Variants in FAAH observed in about 807,000 individuals in gnomAD.
The protein encoded by FAAH is fatty acid amide hydrolase.
A neutral mutation model predicts 69.7 loss-of-function variants in FAAH; 63 were observed. The ratio of observed to expected loss-of-function variants is 0.90; its 90% CI spans 0.74 to 1.12. The LOEUF is 1.12. Among genes scored for constraint, FAAH ranks in the 50% most tolerant of loss-of-function variants. FAAH has a pLI of 0.00. For missense variants in FAAH, 680 were observed against 755.0 expected (o/e 0.90, Z 1.16); for synonymous variants, 305 against 324.2 (o/e 0.94, Z 0.64).
Position 46,410,038 on chromosome 1 carries a change from G to T in FAAH, c.1176-360G>T. 1 of 237,136 alleles carries T rather than the reference G, an allele frequency of 4.2e-6. No individual in the cohort carries two copies. The allele number at this position is 237,136 out of a possible 1,614,324, so 14.7% of individuals were successfully genotyped here. A position where few individuals can be genotyped will look rare whatever the true frequency, so the allele number is the denominator to read the frequency against. On this transcript the variant is annotated intron_variant, in intron 9 of 14. Coordinates refer to ENST00000243167, the MANE Select transcript of FAAH (RefSeq NM_001441.3). This position sits in a 1 kb window ranked among gnomAD's most constrained non-coding sequence, Gnocchi z 4.9. ...GATAGCCTCAGAGCCCTGCTTCATG[G>T]GCAGCCCACCCTCGATTTCCCCACC...
At chr1:46,398,137 C>G (rs1480209114) in intron 1 of FAAH, among the ~76,000 whole-genome samples, 2 of 151,922 alleles carry the variant, frequency 1.3e-5, no homozygotes, top group African/African-American at 4.8e-5. Context: ...ATTTCACCAT[C>G]TTGGCCAGGC....
In FAAH at chr1:46,408,640, C is replaced by A. The variant is rs1036537219; in HGVS notation, c.1077+56C>A. 5.0e-6 allele frequency: 8 copies of A among 1,612,472 alleles called. No individual in the cohort carries two copies. The African/African-American group carries it at 1.1e-4, about 22-fold the overall frequency. ...ATCTCCTCCCCTCACGGGAAGCCTT[C>A]CTGGTACCCATGGCTACTCCATCCC... On this transcript the variant is annotated intron_variant, in intron 8 of 14. Coordinates refer to ENST00000243167, the MANE Select transcript of FAAH (RefSeq NM_001441.3).
rs960764482 is a variant in FAAH at position 46,404,132 on chromosome 1, A to C, written c.310-882A>C. On this transcript the variant is annotated intron_variant, in intron 2 of 14. Transcript: ENST00000243167. This position sits in a 1 kb window ranked among gnomAD's most constrained non-coding sequence, Gnocchi z 4.5. ...GGTGTCACTGAGAGGGGGCACGTAC[A>C]TAGTCTCAGCAGATGGTCTTGCTTC... Among the ~76,000 whole-genome samples the C allele has an allele frequency of 6.6e-6, 1 of 152,196 alleles. No homozygotes were observed. Among genetic ancestry groups the C allele is most frequent in the Non-Finnish European group, 1.5e-5 (1 of 68,030 alleles).
intron 1 of FAAH, among the ~76,000 whole-genome samples, chr1:46,398,615 C>T (rs1569806457): frequency 6.6e-6 from 1 of 151,928 alleles, no homozygotes; most frequent in Non-Finnish European, 1.5e-5. Context: ...CTCACTGCAA[C>T]CTCCGCCTCC....
At chr1:46,401,984 C>A in intron 1 of FAAH, 107 bp from the exon 2 acceptor site, 1 of 939,228 alleles carries the variant, frequency 1.1e-6, no homozygotes, top group Non-Finnish European at 1.7e-6. Flanking sequence ...CAAGGGCCTG[C>A]CCAGGCTGGG....
intron 1 of FAAH, among the ~76,000 whole-genome samples, chr1:46,400,367 T>G (rs1166694650): frequency 1.3e-5 from 2 of 151,670 alleles, no homozygotes; most frequent in Non-Finnish European, 2.9e-5. Context: ...GTGGAAAGTG[T>G]GGGTTGGAGG....
rs1415155933 is a variant in FAAH, at chr1:46,413,554, C to T, written c.1719C>T (p.Thr573=). ...RFMREVERLM[T]PEKQSS ...TGCGGGAGGTGGAGCGACTGATGAC[C>T]CCTGAAAAGCAGTCATCCTGATGGC... The change falls in exon 15 of 15, where the codon ACC becomes ACT. Residue 573 remains threonine, a synonymous_variant. Coordinates refer to ENST00000243167, the MANE Select transcript of FAAH (RefSeq NM_001441.3). The T allele has an allele frequency of 1.2e-6, 2 of 1,613,934 alleles. No individual in the cohort carries two copies. The highest frequency in any genetic ancestry group is 1.7e-6 in the Non-Finnish European group (2 of 1,179,978).
chr1:46,412,661 A>G (rs1275658543), intron 13 of FAAH, among the ~76,000 whole-genome samples: 1 of 151,820 alleles, frequency 6.6e-6, no homozygotes, highest in Non-Finnish European at 1.5e-5. Flanking sequence ...AAATAGAAAA[A>G]TTAGCTGGGT....
At position 46,404,533 on chromosome 1, in the gene FAAH, G is replaced by A. The variant is rs1441594890; in HGVS notation, c.310-481G>A. Among the ~76,000 whole-genome samples, 4 of 152,228 alleles carry A rather than the reference G, an allele frequency of 2.6e-5. No individual in the cohort carries two copies. The highest frequency in any genetic ancestry group is 2.1e-4 in the South Asian group (1 of 4,834). ...TGACTGGGCTACATGTGGGGAAGGC[G>A]TGGGGTTGAGGAGAGACTGCTGGGC... is the stretch of plus-strand genomic sequence containing the variant. On this transcript the variant is annotated intron_variant, in intron 2 of 14. Coordinates refer to ENST00000243167, the MANE Select transcript of FAAH (RefSeq NM_001441.3). The surrounding 1 kb of genome is among the most constrained non-coding windows in gnomAD (Gnocchi z 4.5).
rs1461879895 is a variant in FAAH at position 46,404,734 on chromosome 1, G to A, written c.310-280G>A. Among the ~76,000 whole-genome samples, 2 of 152,170 alleles carry A rather than the reference G, an allele frequency of 1.3e-5. No homozygotes were observed. The highest frequency in any genetic ancestry group is 4.8e-5 in the African/African-American group (2 of 41,428). ...TCCCAGCTCACCCCCTACCTGGGGGGCACCTGAGGCCAGTATCTTGCTCCC... is the reference window on the plus strand; with the variant it reads ...TCCCAGCTCACCCCCTACCTGGGGGACACCTGAGGCCAGTATCTTGCTCCC... On this transcript the variant is annotated intron_variant, in intron 2 of 14. Coordinates refer to ENST00000243167, the MANE Select transcript of FAAH (RefSeq NM_001441.3). This position sits in a 1 kb window ranked among gnomAD's most constrained non-coding sequence, Gnocchi z 4.5.
chr1:46,413,348 G>A, intron 14 of FAAH, 99 bp from the exon 15 acceptor site: 1 of 1,609,394 alleles, frequency 6.2e-7, no homozygotes, highest in East Asian at 2.2e-5. Flanking sequence ...CTATGGCCTG[G>A]CCCTACGTTG....
In FAAH at chr1:46,413,723, G is replaced by T; in HGVS notation, c.*148G>T. ...CCCCCAACCCCCTGCAAGAAGCGCCGACTCCCTGAGTCTGGACCTCCATCC... is the reference window on the plus strand; with the variant it reads ...CCCCCAACCCCCTGCAAGAAGCGCCTACTCCCTGAGTCTGGACCTCCATCC... On this transcript the variant is annotated 3_prime_UTR_variant, in exon 15 of 15. Transcript: ENST00000243167. 1 of 1,140,586 alleles carries T rather than the reference G, an allele frequency of 8.8e-7. No homozygotes were observed. 70.7% of individuals were successfully genotyped at this position (1,140,586 alleles called of 1,614,324 possible).
At position 46,411,567 on chromosome 1, in the gene FAAH, G is replaced by A. The variant is rs780286970; in HGVS notation, c.1317-45G>A. ...TAGGGGTCTGATGTTGCTGATCTCC[G>A]TGGCTGTGACCATCATGGCTGGTGA... On this transcript the variant is annotated intron_variant, in intron 11 of 14. Transcript: ENST00000243167. This position sits in a 1 kb window ranked among gnomAD's most constrained non-coding sequence, Gnocchi z 4.8. 5 of 1,611,408 alleles carry A rather than the reference G, an allele frequency of 3.1e-6. No homozygotes were observed. The highest frequency in any genetic ancestry group is 1.3e-5 in the African/African-American group (1 of 74,986).
In FAAH at chr1:46,413,579, C is replaced by T. The variant is rs1664956207; in HGVS notation, c.*4C>T. Reference sequence around the variant, plus strand: ...CCCTGAAAAGCAGTCATCCTGATGGCTCTGGCTCCAGAGGACCTGAGACTC... The same window carrying T: ...CCCTGAAAAGCAGTCATCCTGATGGTTCTGGCTCCAGAGGACCTGAGACTC... On this transcript the variant is annotated 3_prime_UTR_variant, in exon 15 of 15. Coordinates refer to ENST00000243167, the MANE Select transcript of FAAH (RefSeq NM_001441.3). 6.2e-7 allele frequency: 1 copy of T among 1,613,938 alleles called. No individual in the cohort carries two copies. Among genetic ancestry groups the T allele is most frequent in the South Asian group, 1.1e-5 (1 of 91,090 alleles).
chr1:46,398,571 T>C (rs1463334459), intron 1 of FAAH, among the ~76,000 whole-genome samples: 1 of 151,176 alleles, frequency 6.6e-6, no homozygotes, highest in African/African-American at 2.4e-5. Flanking sequence ...TCTTGCTCTG[T>C]TGCCCAGGCT....
At chr1:46,399,080 C>G (rs1664651818) in intron 1 of FAAH, among the ~76,000 whole-genome samples, 1 of 152,202 alleles carries the variant, frequency 6.6e-6, no homozygotes, top group South Asian at 2.1e-4. Context: ...AGAGACATCA[C>G]AGAACACCTA....
rs1275656225 is a variant in FAAH, at chr1:46,410,359, G to A, written c.1176-39G>A. 6.5e-7 allele frequency: 1 copy of A among 1,537,688 alleles called. No homozygotes were observed. Among genetic ancestry groups the A allele is most frequent in the East Asian group, 2.2e-5 (1 of 44,494 alleles). ...CGGGCGAGCAAGCTGGGAAGGATGTGGGGATGGGAGTGCCTGGACCGAGCA... is the reference window on the plus strand; with the variant it reads ...CGGGCGAGCAAGCTGGGAAGGATGTAGGGATGGGAGTGCCTGGACCGAGCA... On this transcript the variant is annotated intron_variant, in intron 9 of 14. Coordinates refer to ENST00000243167, the MANE Select transcript of FAAH (RefSeq NM_001441.3). This position sits in a 1 kb window ranked among gnomAD's most constrained non-coding sequence, Gnocchi z 4.9.
At chr1:46,395,645 AC>A (rs1664582396) in intron 1 of FAAH, among the ~76,000 whole-genome samples, 1 of 152,184 alleles carries the variant, frequency 6.6e-6, no homozygotes, top group Admixed American at 6.5e-5. Flanking sequence ...CAGGTTGGGA[AC>A]CGCAGGACTC....
chr1:46,410,759 T>G lies in FAAH; in HGVS notation c.1276-55T>G. 1.2e-6 allele frequency: 2 copies of G among 1,612,020 alleles called. No individual in the cohort carries two copies. The highest frequency in any genetic ancestry group is 1.7e-6 in the Non-Finnish European group (2 of 1,178,096). ...CCCAGTGGCTTGGCCTGAAGAAGGT[T>G]GACGTCTGCCGTGGCCCAGAGCTGA... On this transcript the variant is annotated intron_variant, in intron 10 of 14. Coordinates refer to ENST00000243167, the MANE Select transcript of FAAH (RefSeq NM_001441.3). This position sits in a 1 kb window ranked among gnomAD's most constrained non-coding sequence, Gnocchi z 4.9.
Sources: allele counts gnomAD v4.1 joint callset (sites outside exome capture counted in the v4.1 genomes callset), GRCh38; gene constraint gnomAD v4.1.1; non-coding constraint Gnocchi (gnomAD v3.1); transcripts MANE v1.5; gene names NCBI Gene and HGNC (gene_info 2026-07-23, HGNC 2026-07-21).